Variants in SPOCK1 observed in about 807,000 individuals in gnomAD.
SPOCK1 encodes the protein testican-1.
In SPOCK1, 23 loss-of-function variants were observed where a neutral mutation model predicts 55.3. The observed-to-expected ratio is 0.42, with a 90% CI of 0.30 to 0.59. The LOEUF (loss-of-function observed/expected upper bound fraction) is 0.59, where lower values mean the gene tolerates loss of function less well. Among genes scored for constraint, SPOCK1 ranks in the 20% least tolerant of loss-of-function variants. The pLI, the probability that SPOCK1 is intolerant of heterozygous loss-of-function variation, is 0.22. For synonymous variants in SPOCK1, 226 were observed against 221.0 expected (o/e 1.02, Z -0.20); for missense variants, 499 against 552.5 (o/e 0.90, Z 0.97).
At chr5:137,300,472 G>C (rs1421947811) in intron 2 of SPOCK1, among the ~76,000 whole-genome samples, 3 of 152,068 alleles carry the variant, frequency 2.0e-5, no homozygotes, top group Non-Finnish European at 4.4e-5. Flanking sequence ...AGAGTCTCTA[G>C]GTTCTTTTAT....
chr5:137,023,234 T>G (rs1051102823), intron 6 of SPOCK1, among the ~76,000 whole-genome samples: 9 of 152,180 alleles, frequency 5.9e-5, no homozygotes, highest in African/African-American at 2.2e-4. Flanking sequence ...TCTTAGAACT[T>G]TGATATATAG....
chr5:136,988,514 G>T lies in SPOCK1; in HGVS notation c.836C>A (p.Pro279His), dbSNP rs1750885515. 1 of 1,613,986 alleles carries T rather than the reference G, an allele frequency of 6.2e-7. No homozygotes were observed. Among genetic ancestry groups the T allele is most frequent in the Non-Finnish European group, 8.5e-7 (1 of 1,180,012 alleles). Residue 279 changes from proline (P) to histidine (H), a missense_variant, in exon 8 of 11, where the codon CCC becomes CAC. Around this residue, in one of 3 missense-constraint regions of SPOCK1, gnomAD observed 386 missense variants for 400.6 expected, o/e 0.96. Coordinates refer to ENST00000394945, the MANE Select transcript of SPOCK1 (RefSeq NM_004598.4). ...CGAGTTGAAAAGAGGCTTGATACAG[G>T]GCTCGTACTTATCCAGGTAGATGGC... Reference protein sequence around the residue: ...INAIYLDKYEPCIKPLFNSCD... With the variant: ...INAIYLDKYEHCIKPLFNSCD...
intron 2 of SPOCK1, among the ~76,000 whole-genome samples, chr5:137,452,490 G>A (rs1390543686): frequency 6.6e-6 from 1 of 152,180 alleles, no homozygotes; most frequent in South Asian, 2.1e-4. Flanking sequence ...AAGAAAAAAA[G>A]TGAATCTGAT....
chr5:137,263,949 C>G (rs751297857), intron 3 of SPOCK1, among the ~76,000 whole-genome samples: 1 of 152,162 alleles, frequency 6.6e-6, no homozygotes, highest in Non-Finnish European at 1.5e-5. Flanking sequence ...TGATAGCACT[C>G]GCTCCATGAA....
At chr5:137,331,810 C>A (rs1208877566) in intron 2 of SPOCK1, among the ~76,000 whole-genome samples, 1 of 152,108 alleles carries the variant, frequency 6.6e-6, no homozygotes, top group Non-Finnish European at 1.5e-5. Context: ...CCCTGGGAAT[C>A]ACATTTCAAC....
At chr5:137,064,025 A>T (rs115500313) in intron 6 of SPOCK1, among the ~76,000 whole-genome samples, 2,429 of 152,244 alleles carry the variant, frequency 0.016, 63 homozygotes, top group African/African-American at 0.056. Context: ...TAGTAAACCC[A>T]GAGAAATCTA....
intron 2 of SPOCK1, among the ~76,000 whole-genome samples, chr5:137,398,512 T>C (rs1751904208): frequency 6.6e-6 from 1 of 152,188 alleles, no homozygotes; most frequent in Non-Finnish European, 1.5e-5. Flanking sequence ...TTAATTTATC[T>C]CTGACTCAAT....
chr5:137,097,369 C>T (rs565758659), intron 5 of SPOCK1, among the ~76,000 whole-genome samples: 31 of 152,206 alleles, frequency 2.0e-4, no homozygotes, highest in Non-Finnish European at 2.6e-4. Flanking sequence ...AGTTGCTGCT[C>T]GCTTAGTCTT....
chr5:136,995,371 C>T (rs1751021117), intron 6 of SPOCK1, among the ~76,000 whole-genome samples: 1 of 152,148 alleles, frequency 6.6e-6, no homozygotes, highest in African/African-American at 2.4e-5. Context: ...AGAATCCTGG[C>T]TTAGCCCAGG....
chr5:137,444,062 G>GA (rs1291792320), intron 2 of SPOCK1, among the ~76,000 whole-genome samples: 2 of 152,250 alleles, frequency 1.3e-5, no homozygotes, highest in East Asian at 3.9e-4. Context: ...TACCCATGAA[G>GA]AGCGAGCCTC....
intron 6 of SPOCK1, among the ~76,000 whole-genome samples, chr5:137,020,533 G>C (rs1208847486): frequency 6.6e-6 from 1 of 151,810 alleles, no homozygotes; most frequent in Non-Finnish European, 1.5e-5. Flanking sequence ...AGGTAGGAAA[G>C]GATTTTTAAA....
At chr5:137,173,962 G>A (rs1026552499) in intron 3 of SPOCK1, among the ~76,000 whole-genome samples, 4 of 152,150 alleles carry the variant, frequency 2.6e-5, no homozygotes, top group African/African-American at 9.7e-5. Flanking sequence ...AAGGGATAGA[G>A]GTCCAGAAAG....
chr5:137,234,309 G>C (rs1756130994), intron 3 of SPOCK1, among the ~76,000 whole-genome samples: 1 of 152,102 alleles, frequency 6.6e-6, no homozygotes, highest in African/African-American at 2.4e-5. Context: ...CCCTGCTGGG[G>C]CTGCTTTCTT....
chr5:136,988,359 G>A (rs1750881665), intron 8 of SPOCK1, 63 bp downstream of exon 8: 2 of 1,363,970 alleles, frequency 1.5e-6, no homozygotes, highest in East Asian at 2.3e-5. Context: ...GTCATACGCA[G>A]TCCTCCTCTG....
At chr5:137,448,554 C>T (rs1753179522) in intron 2 of SPOCK1, among the ~76,000 whole-genome samples, 1 of 152,154 alleles carries the variant, frequency 6.6e-6, no homozygotes, top group African/African-American at 2.4e-5. Context: ...GATTTCTTTT[C>T]ATTAGGTATA....
At chr5:137,081,145 T>A (rs1245179479) in intron 5 of SPOCK1, among the ~76,000 whole-genome samples, 3 of 152,228 alleles carry the variant, frequency 2.0e-5, no homozygotes, top group African/African-American at 7.2e-5. Flanking sequence ...GCCCTCCTCA[T>A]GCTGTCTGTG....
At chr5:137,224,767 C>A (rs750287923) in intron 3 of SPOCK1, among the ~76,000 whole-genome samples, 3 of 152,176 alleles carry the variant, frequency 2.0e-5, no homozygotes, top group African/African-American at 7.2e-5. Context: ...CCCAGGGAGA[C>A]CCGCAGGCAG....
intron 2 of SPOCK1, among the ~76,000 whole-genome samples, chr5:137,320,517 A>C (rs1757961702): frequency 6.6e-6 from 1 of 152,232 alleles, no homozygotes; most frequent in South Asian, 2.1e-4. Flanking sequence ...CCTGACTTAG[A>C]GTGCTGACAG....
chr5:137,149,818 G>A (rs932150137), intron 3 of SPOCK1, among the ~76,000 whole-genome samples: 4 of 152,142 alleles, frequency 2.6e-5, no homozygotes, highest in Non-Finnish European at 4.4e-5. Flanking sequence ...CATTTGGCTC[G>A]GAGAGATGTA....
Sources: allele counts gnomAD v4.1 joint callset (sites outside exome capture counted in the v4.1 genomes callset), GRCh38; gene constraint gnomAD v4.1.1; regional missense constraint gnomAD v4.1.1; transcripts MANE v1.5; gene names NCBI Gene and HGNC (gene_info 2026-07-23, HGNC 2026-07-21).